The following MAD1L1 variants were observed in gnomAD, a reference collection of about 807,000 sequenced individuals.
MAD1L1 encodes mitotic spindle assembly checkpoint protein MAD1.
Under a neutral mutation model 96.9 loss-of-function variants are expected in MAD1L1, and 95 were observed. The ratio of observed to expected loss-of-function variants is 0.98; its 90% confidence interval spans 0.83 to 1.16. The LOEUF (loss-of-function observed/expected upper bound fraction) is 1.16. Ranked by LOEUF, MAD1L1 falls within the 50% of genes most tolerant of loss-of-function variation. The probability of loss-of-function intolerance (pLI) is 0.00; values close to 1 mark genes in which losing one functional copy is unlikely to be tolerated. For missense variants in MAD1L1, 1,007 were observed against 954.4 expected (o/e 1.06, Z -0.73); for synonymous variants, 473 against 396.6 (o/e 1.19, Z -2.29).
At chr7:2,159,807 A>T (rs1790015533) in intron 10 of MAD1L1, among the ~76,000 whole-genome samples, 1 of 152,230 alleles carries the variant, frequency 6.6e-6, no homozygotes, top group Non-Finnish European at 1.5e-5. Flanking sequence ...ATCTTTTCCT[A>T]TATTAACATG....
At chr7:1,863,208 G>A (rs1204949693) in intron 18 of MAD1L1, among the ~76,000 whole-genome samples, 2 of 152,272 alleles carry the variant, frequency 1.3e-5, no homozygotes, top group Non-Finnish European at 2.9e-5. Context: ...TTCGGCCTCC[G>A]AAGACGGGGT....
At chr7:2,197,614 G>A (rs1347634739) in intron 10 of MAD1L1, among the ~76,000 whole-genome samples, 1 of 152,160 alleles carries the variant, frequency 6.6e-6, no homozygotes, top group African/African-American at 2.4e-5. Context: ...CTGACCCGGT[G>A]AGGCACTGGC....
At chr7:1,922,753 C>T (rs1032867530) in intron 17 of MAD1L1, among the ~76,000 whole-genome samples, 6 of 152,222 alleles carry the variant, frequency 3.9e-5, no homozygotes, top group African/African-American at 9.6e-5. Flanking sequence ...GTGAGCTGCA[C>T]GGTTTCTGCA....
intron 6 of MAD1L1, among the ~76,000 whole-genome samples, chr7:2,219,024 C>T (rs1793443495): frequency 6.6e-6 from 1 of 152,176 alleles, no homozygotes; most frequent in Non-Finnish European, 1.5e-5. Context: ...TACACCATTG[C>T]ACTCCAGGCT....
chr7:2,140,553 G>A (rs902375385), intron 11 of MAD1L1, among the ~76,000 whole-genome samples: 6 of 152,254 alleles, frequency 3.9e-5, no homozygotes, highest in African/African-American at 1.2e-4. Context: ...CCAAGATGAA[G>A]AGCCTCGTCT....
intron 14 of MAD1L1, among the ~76,000 whole-genome samples, chr7:2,000,743 G>A (rs960589520): frequency 6.6e-6 from 1 of 152,224 alleles, no homozygotes; most frequent in South Asian, 2.1e-4. Context: ...GCACCAAGAA[G>A]AATGTCCTTA....
chr7:2,214,970 G>C lies in MAD1L1; in HGVS notation c.924+915C>G, dbSNP rs181075780. Among the ~76,000 whole-genome samples the C allele has an allele frequency of 1.1e-3, 173 of 152,240 alleles. 2 individuals carry two copies. Among genetic ancestry groups the C allele is most frequent in the African/African-American group, 3.5e-3 (146 of 41,534 alleles). Reference sequence around the variant, plus strand: ...AAATTGGTGCGGCACAGAGGCTCACGCCTGTCATCTCAGCACTTTGGGAGG... The same window carrying C: ...AAATTGGTGCGGCACAGAGGCTCACCCCTGTCATCTCAGCACTTTGGGAGG... On this transcript the variant is annotated intron_variant, in intron 9 of 18. Transcript: ENST00000265854.
chr7:2,231,086 G>C (rs1794168515), intron 1 of MAD1L1, among the ~76,000 whole-genome samples: 1 of 152,160 alleles, frequency 6.6e-6, no homozygotes, highest in Admixed American at 6.5e-5. Flanking sequence ...GCGGAGGCAG[G>C]TCCGGAGTTC....
At chr7:1,851,810 C>T (rs2128641144) in intron 18 of MAD1L1, among the ~76,000 whole-genome samples, 1 of 152,154 alleles carries the variant, frequency 6.6e-6, no homozygotes, top group East Asian at 1.9e-4. Flanking sequence ...ATCTGTGACG[C>T]CTGCCTGCCA....
chr7:2,151,525 A>T (rs1276972521), intron 10 of MAD1L1, among the ~76,000 whole-genome samples: 1 of 152,086 alleles, frequency 6.6e-6, no homozygotes, highest in East Asian at 1.9e-4. Context: ...ACTGCCTGCC[A>T]CCTCCCTCTG....
At chr7:2,000,393 T>C (rs371893518) in intron 14 of MAD1L1, among the ~76,000 whole-genome samples, 12 of 152,156 alleles carry the variant, frequency 7.9e-5, no homozygotes, top group East Asian at 3.9e-4. Flanking sequence ...GGACACCAGG[T>C]TGTGTCACCA....
At position 1,889,442 on chromosome 7, in the gene MAD1L1, C is replaced by A. The variant is rs569035132; in HGVS notation, c.1998+8758G>T. On this transcript the variant is annotated intron_variant, in intron 18 of 18. Transcript: ENST00000265854. ...CTAGGGTCCCTCAGGAGGACCCCAGCAGCTCTGGACCCTAGGCCAGGCCCA... is the reference window on the plus strand; with the variant it reads ...CTAGGGTCCCTCAGGAGGACCCCAGAAGCTCTGGACCCTAGGCCAGGCCCA... Among the ~76,000 whole-genome samples, 81 of 152,238 alleles carry A rather than the reference C, an allele frequency of 5.3e-4. 1 individual carries two copies. The highest frequency in any genetic ancestry group is 7.6e-4 in the Non-Finnish European group (52 of 68,036).
chr7:2,027,931 T>C (rs1451419362), intron 12 of MAD1L1, among the ~76,000 whole-genome samples: 2 of 152,210 alleles, frequency 1.3e-5, no homozygotes, highest in African/African-American at 2.4e-5. Context: ...CACTCAATTA[T>C]GAACATAGAA....
chr7:2,181,660 C>T (rs1004922212), intron 10 of MAD1L1, among the ~76,000 whole-genome samples: 3 of 152,168 alleles, frequency 2.0e-5, no homozygotes, highest in Admixed American at 2.0e-4. Context: ...AGTAGAGCTA[C>T]CGTTTGAGAC....
At chr7:2,005,298 C>T (rs1277978263) in intron 13 of MAD1L1, among the ~76,000 whole-genome samples, 1 of 152,192 alleles carries the variant, frequency 6.6e-6, no homozygotes, top group Non-Finnish European at 1.5e-5. Context: ...TGCAAAGAGA[C>T]ATCCACGGGG....
At chr7:1,859,338 A>G (rs1236367062) in intron 18 of MAD1L1, among the ~76,000 whole-genome samples, 1 of 152,178 alleles carries the variant, frequency 6.6e-6, no homozygotes, top group African/African-American at 2.4e-5. Flanking sequence ...GCGTCTCCAT[A>G]TCGGCCCTTC....
intron 14 of MAD1L1, among the ~76,000 whole-genome samples, chr7:1,996,179 G>C (rs6969822): frequency 0.38 from 17,673 of 46,392 alleles, 1,726 homozygotes; most frequent in South Asian, 0.48. Context: ...ACACACGGCT[G>C]CTGGGCGGGC....
At chr7:2,052,986 G>A (rs1368124357) in intron 12 of MAD1L1, among the ~76,000 whole-genome samples, 1 of 152,188 alleles carries the variant, frequency 6.6e-6, no homozygotes, top group African/African-American at 2.4e-5. Context: ...TCCTCCACCA[G>A]CCTGAGGAGG....
At chr7:2,003,037 C>CT in intron 13 of MAD1L1, among the ~76,000 whole-genome samples, 1 of 3,606 alleles carries the variant, frequency 2.8e-4, no homozygotes, top group East Asian at 0.012. Flanking sequence ...CCTTGTGAGA[C>CT]CCCCCCAGGC....
Sources: gnomAD v4.1 joint callset for allele counts (sites outside exome capture counted in the v4.1 genomes callset) on GRCh38, gnomAD v4.1.1 for gene constraint, MANE v1.5 for transcripts, NCBI Gene and HGNC (gene_info 2026-07-23, HGNC 2026-07-21) for gene names.